The following PRKG1 variants were observed in gnomAD, a reference collection of about 807,000 sequenced individuals.
The protein encoded by PRKG1 is protein kinase cGMP-dependent 1.
PRKG1 carries 35 observed loss-of-function variants against 88.1 expected under a neutral mutation model. The observed-to-expected ratio is 0.40, with a 90% confidence interval of 0.30 to 0.53. The LOEUF is 0.53. PRKG1 is among the 20% of genes least tolerant of loss of function. The pLI, the probability that PRKG1 is intolerant of heterozygous loss-of-function variation, is 0.59. For missense variants in PRKG1, 540 were observed against 839.8 expected (o/e 0.64, Z 4.41); for synonymous variants, 303 against 292.5 (o/e 1.04, Z -0.37).
At chr10:51,650,913 T>C (rs1043094885) in intron 3 of PRKG1, among the ~76,000 whole-genome samples, 11 of 152,140 alleles carry the variant, frequency 7.2e-5, no homozygotes, top group Non-Finnish European at 1.6e-4. Flanking sequence ...TCACCAAAAG[T>C]ATCTGTCCTA....
chr10:51,409,492 G>A (rs1422129684), intron 2 of PRKG1, among the ~76,000 whole-genome samples: 1 of 152,128 alleles, frequency 6.6e-6, no homozygotes, highest in Non-Finnish European at 1.5e-5. Flanking sequence ...GTTGTGTGGT[G>A]ACTTGATGAC....
intron 2 of PRKG1, among the ~76,000 whole-genome samples, chr10:51,257,560 A>G (rs1347042969): frequency 2.0e-5 from 3 of 152,192 alleles, no homozygotes; most frequent in African/African-American, 7.2e-5. Context: ...GACTGGATCA[A>G]TATACTTACA....
intron 9 of PRKG1, among the ~76,000 whole-genome samples, chr10:52,246,426 C>G (rs1372348658): frequency 6.6e-6 from 1 of 152,030 alleles, no homozygotes; most frequent in African/African-American, 2.4e-5. Flanking sequence ...GTTTCTAAAC[C>G]ATGCATATGT....
At position 52,298,230 on chromosome 10, in the gene PRKG1, T is replaced by C. The variant is rs1368037264; in HGVS notation, c.*4330T>C. 6.6e-6 allele frequency: 1 copy of C among 151,950 alleles called. No individual in the cohort carries two copies. Among genetic ancestry groups the C allele is most frequent in the African/African-American group, 2.4e-5 (1 of 41,364 alleles). The allele number at this position is 151,950 out of a possible 1,614,324, so 9.4% of individuals were successfully genotyped here. Reference sequence around the variant, plus strand: ...ACCACTTGCACTCTTTTGATGTAGATTAAAAACTTTTTCATAAATTTACCT... The same window carrying C: ...ACCACTTGCACTCTTTTGATGTAGACTAAAAACTTTTTCATAAATTTACCT... On this transcript the variant is annotated 3_prime_UTR_variant, in exon 18 of 18. Transcript: ENST00000373980.
At chr10:52,015,902 G>GT (rs1845027856) in intron 5 of PRKG1, among the ~76,000 whole-genome samples, 1 of 152,174 alleles carries the variant, frequency 6.6e-6, no homozygotes, top group African/African-American at 2.4e-5. Flanking sequence ...TTATGCTTCA[G>GT]TTCCCAATAA....
intron 3 of PRKG1, among the ~76,000 whole-genome samples, chr10:51,503,844 A>T (rs771680122): frequency 1.6e-4 from 25 of 152,188 alleles, no homozygotes; most frequent in Non-Finnish European, 2.9e-4. Context: ...TACAGTGTTG[A>T]TGGTAAAATA....
intron 7 of PRKG1, among the ~76,000 whole-genome samples, chr10:52,113,341 C>A (rs1253844968): frequency 6.6e-6 from 1 of 151,740 alleles, no homozygotes; most frequent in East Asian, 1.9e-4. Flanking sequence ...TGGCTTCTTA[C>A]ATATTTTAGA....
At chr10:52,175,708 C>CCATGA (rs1000721736) in intron 9 of PRKG1, among the ~76,000 whole-genome samples, 78 of 152,010 alleles carry the variant, frequency 5.1e-4, no homozygotes, top group African/African-American at 1.8e-3. Context: ...TAAAAAGATA[C>CCATGA]CTCATTGTGG....
At chr10:51,646,222 A>G (rs1839911570) in intron 3 of PRKG1, among the ~76,000 whole-genome samples, 1 of 152,172 alleles carries the variant, frequency 6.6e-6, no homozygotes, top group Non-Finnish European at 1.5e-5. Flanking sequence ...CTATTAGTAC[A>G]ACCTTGAGCA....
At chr10:51,278,006 G>A (rs1840175832) in intron 2 of PRKG1, among the ~76,000 whole-genome samples, 1 of 152,186 alleles carries the variant, frequency 6.6e-6, no homozygotes, top group Non-Finnish European at 1.5e-5. Context: ...TAGGAGTGGT[G>A]AGAGAGGGCA....
At chr10:51,851,796 C>T (rs1219778463) in intron 4 of PRKG1, among the ~76,000 whole-genome samples, 1 of 152,118 alleles carries the variant, frequency 6.6e-6, no homozygotes. Flanking sequence ...TGGACACTCA[C>T]GTACATTTTG....
At position 51,049,304 on chromosome 10, in the gene PRKG1, G is replaced by A. The variant is rs564031997; in HGVS notation, c.266+57660G>A. Reference sequence around the variant, plus strand: ...CTATCTAATACCTAAACCACACTTAGGAATGTGCACAAATTAATACTCTCA... The same window carrying A: ...CTATCTAATACCTAAACCACACTTAAGAATGTGCACAAATTAATACTCTCA... On this transcript the variant is annotated intron_variant, in intron 1 of 17. Transcript: ENST00000401604. Among the ~76,000 whole-genome samples, 13 of 152,238 alleles carry A rather than the reference G, an allele frequency of 8.5e-5. No individual in the cohort carries two copies. The South Asian group carries it at 2.7e-3, about 32-fold the overall frequency.
chr10:51,018,255 G>A (rs1161505153), intron 1 of PRKG1, among the ~76,000 whole-genome samples: 1 of 152,026 alleles, frequency 6.6e-6, no homozygotes, highest in Non-Finnish European at 1.5e-5. Context: ...AGAATTCTAG[G>A]TCGGCTTTTT....
chr10:51,490,977 C>T (rs1418587594), intron 3 of PRKG1, among the ~76,000 whole-genome samples: 1 of 151,954 alleles, frequency 6.6e-6, no homozygotes, highest in Admixed American at 6.6e-5. Context: ...GAAAGGAACA[C>T]CCCAATATGA....
intron 2 of PRKG1, among the ~76,000 whole-genome samples, chr10:51,353,839 C>G (rs574424651): frequency 1.3e-4 from 20 of 151,986 alleles, no homozygotes; most frequent in Non-Finnish European, 2.6e-4. Context: ...AAAGAAATAA[C>G]TGGACTCTCA....
chr10:51,150,986 T>C (rs1846057923), intron 1 of PRKG1, among the ~76,000 whole-genome samples: 1 of 152,020 alleles, frequency 6.6e-6, no homozygotes, highest in African/African-American at 2.4e-5. Flanking sequence ...TTGCTGAATT[T>C]CTAGGACTTA....
chr10:52,219,724 A>C (rs1489245632), intron 9 of PRKG1, among the ~76,000 whole-genome samples: 1 of 152,232 alleles, frequency 6.6e-6, no homozygotes, highest in Non-Finnish European at 1.5e-5. Context: ...GTGAATTTAC[A>C]TATAAATACT....
At chr10:51,108,765 C>G (rs1844909759) in intron 1 of PRKG1, among the ~76,000 whole-genome samples, 1 of 152,078 alleles carries the variant, frequency 6.6e-6, no homozygotes, top group Admixed American at 6.6e-5. Flanking sequence ...ACTGGAGCTT[C>G]TAGCTAATGT....
At chr10:51,371,019 T>C (rs1261474101) in intron 2 of PRKG1, among the ~76,000 whole-genome samples, 1 of 152,114 alleles carries the variant, frequency 6.6e-6, no homozygotes, top group Non-Finnish European at 1.5e-5. Context: ...AGTTTCCTTC[T>C]CATTTGTCCG....
Sources: gnomAD v4.1 joint callset for allele counts (sites outside exome capture counted in the v4.1 genomes callset) on GRCh38, gnomAD v4.1.1 for gene constraint, MANE v1.5 for transcripts, NCBI Gene and HGNC (gene_info 2026-07-23, HGNC 2026-07-21) for gene names.